Variants in AMPD2 observed in about 807,000 individuals in gnomAD.
AMPD2 encodes adenosine monophosphate deaminase 2.
Under a neutral mutation model 91.3 loss-of-function variants are expected in AMPD2, and 52 were observed. That is an observed-to-expected ratio of 0.57 (90% CI 0.46 to 0.72). The LOEUF is 0.72. Ranked by LOEUF, AMPD2 falls within the 30% of genes least tolerant of loss-of-function variation. The pLI, the probability that AMPD2 is intolerant of heterozygous loss-of-function variation, is 0.00. For synonymous variants in AMPD2, 455 were observed against 456.4 expected, an observed-to-expected ratio of 1.00 and a Z score of 0.04; for missense variants, 822 against 1,122.3, an observed-to-expected ratio of 0.73 and a Z score of 3.82.
intron 1 of AMPD2, chr1:109,620,571 C>G: frequency 8.0e-7 from 1 of 1,250,012 alleles, no homozygotes; most frequent in Non-Finnish European, 1.0e-6. Context: ...GCCCCTCCCT[C>G]CTGGGCTGGG....
rs55739424 is a variant in AMPD2, at chr1:109,628,018, G to T, written c.1081-65G>T. The T allele has an allele frequency of 0.027, 42,662 of 1,597,212 alleles. 696 individuals are homozygous for T. The highest frequency in any genetic ancestry group is 0.049 in the South Asian group (4,293 of 88,382). On this transcript the variant is annotated intron_variant, in intron 10 of 18. Coordinates refer to ENST00000528667, the MANE Select transcript of AMPD2 (RefSeq NM_001368809.2). This position sits in a 1 kb window ranked among gnomAD's most constrained non-coding sequence, Gnocchi z 7.1. ...CCAGTACAGAGGGTCCTTTCCCATT[G>T]CACTGCCCCAGGCCCCAGACCTTCC...
chr1:109,621,336 G>T, intron 2 of AMPD2, 70 bp downstream of exon 2: 2 of 1,553,824 alleles, frequency 1.3e-6, no homozygotes, highest in Non-Finnish European at 8.8e-7. Flanking sequence ...CCAAGGTGCT[G>T]GTCCCCTCAG....
intron 15 of AMPD2, 72 bp from the exon 16 acceptor site, chr1:109,629,724 T>TGG (rs5776989): frequency 3.9e-4 from 593 of 1,527,266 alleles, no homozygotes; most frequent in Non-Finnish European, 4.9e-4. Flanking sequence ...GCGTGCTGGG[T>TGG]GGGGGTCAGG....
At position 109,630,680 on chromosome 1, in the gene AMPD2, C is replaced by A. The variant is rs1025276683; in HGVS notation, c.2158-3C>A. The stretch of plus-strand genomic sequence containing the variant: ...CTCGTCTGAGGGAACCTGGCCCGTG[C>A]AGGAGCCGCTGATGGAGGAGTACAG... On this transcript the variant is annotated splice_polypyrimidine_tract_variant and splice_region_variant and intron_variant, in intron 17 of 18. Coordinates refer to ENST00000528667, the MANE Select transcript of AMPD2 (RefSeq NM_001368809.2). The A allele has an allele frequency of 1.9e-6, 3 of 1,608,590 alleles. No individual in the cohort carries two copies. The highest frequency in any genetic ancestry group is 2.5e-6 in the Non-Finnish European group (3 of 1,178,208).
At chr1:109,630,427 C>T (rs1306079625) in intron 17 of AMPD2, 21 bp downstream of exon 17, 12 of 1,312,966 alleles carry the variant, frequency 9.1e-6, no homozygotes, top group Non-Finnish European at 1.2e-5. Context: ...AGCAGGCAGC[C>T]AGGCGGGCGG....
Position 109,630,593 on chromosome 1 carries a change from G to A in AMPD2, c.2158-90G>A. On this transcript the variant is annotated intron_variant, in intron 17 of 18. Coordinates refer to ENST00000528667, the MANE Select transcript of AMPD2 (RefSeq NM_001368809.2). ...GGGGGGTTGGGGGGATGGGGGGGCGGGGGTGGGGAGAGTGAGTGAGGAGGC... is the reference window on the plus strand; with the variant it reads ...GGGGGGTTGGGGGGATGGGGGGGCGAGGGTGGGGAGAGTGAGTGAGGAGGC... The A allele has an allele frequency of 3.7e-6, 4 of 1,073,012 alleles. No individual in the cohort carries two copies. The South Asian group carries it at 4.5e-5, about 12-fold the overall frequency. The allele number at this position is 1,073,012 out of a possible 1,614,324, so 66.5% of individuals were successfully genotyped here.
At chr1:109,622,798 G>T (rs955936831) in intron 2 of AMPD2, among the ~76,000 whole-genome samples, 1 of 152,092 alleles carries the variant, frequency 6.6e-6, no homozygotes, top group African/African-American at 2.4e-5. Flanking sequence ...CTCAACTCCT[G>T]CTGACCCAAT....
chr1:109,631,027 C>T lies in AMPD2; in HGVS notation c.2353C>T (p.Arg785Cys), dbSNP rs1456066824. The T allele has an allele frequency of 3.1e-6, 5 of 1,614,050 alleles. No homozygotes were observed. In the Admixed American group the frequency reaches 5.0e-5, roughly 16 times the overall value. Residue 785 changes from arginine to cysteine, a missense_variant, in exon 19 of 19, where the codon CGC (arginine) becomes TGC (cysteine). Physicochemically the swap from Arg to Cys is radical, Grantham distance 180. Coordinates refer to ENST00000528667, the MANE Select transcript of AMPD2 (RefSeq NM_001368809.2). ...CCGCCGGACCAATGTGCCAGACATC[C>T]GCGTGGGCTACCGCTACGAGACCCT... ...DIRRTNVPDIRVGYRYETLCQ... is the reference protein window; with the variant it reads ...DIRRTNVPDICVGYRYETLCQ...
At chr1:109,627,613 C>T in intron 9 of AMPD2, 95 bp downstream of exon 9, 1 of 1,540,762 alleles carries the variant, frequency 6.5e-7, no homozygotes, top group Non-Finnish European at 9.0e-7. Flanking sequence ...TGGTGTCTTG[C>T]CCTTCCTAGT....
In AMPD2 at chr1:109,620,282, AGT is replaced by A; in HGVS notation, c.-263+11_-263+12del. The A allele has an allele frequency of 6.2e-7, 1 of 1,613,642 alleles. No homozygotes were observed. The highest frequency in any genetic ancestry group is 8.5e-7 in the Non-Finnish European group (1 of 1,179,800). On this transcript the variant is annotated splice_donor_5th_base_variant and intron_variant, in intron 1 of 18. Coordinates refer to ENST00000528667, the MANE Select transcript of AMPD2 (RefSeq NM_001368809.2). The stretch of plus-strand genomic sequence containing the variant: ...AACTCGGGCATCATGGCCTCAGGTG[AGT>A]GTGTGTACGTGTGTTGGAGGGAGGG...
At position 109,621,044 on chromosome 1, in the gene AMPD2, C is replaced by T. The variant is rs761327090; in HGVS notation, c.-132C>T. 8.1e-6 allele frequency: 13 copies of T among 1,603,640 alleles called. No homozygotes were observed. The South Asian group carries it at 1.4e-4, about 18-fold the overall frequency. On this transcript the variant is annotated 5_prime_UTR_variant, in exon 2 of 19. Coordinates refer to ENST00000528667, the MANE Select transcript of AMPD2 (RefSeq NM_001368809.2). Reference sequence around the variant, plus strand: ...AAATCGTGGCCAGGGCCTCTTCCGCCTGCGGAGCCGCTGCTTCCTGCATCA... The same window carrying T: ...AAATCGTGGCCAGGGCCTCTTCCGCTTGCGGAGCCGCTGCTTCCTGCATCA...
At chr1:109,621,696 A>T (rs1215704953) in intron 2 of AMPD2, among the ~76,000 whole-genome samples, 1 of 152,154 alleles carries the variant, frequency 6.6e-6, no homozygotes, top group Admixed American at 6.5e-5. Context: ...TCCACTTTTT[A>T]GGACCCCACA....
At position 109,631,793 on chromosome 1, in the gene AMPD2, T is replaced by A. The variant is rs1314055455; in HGVS notation, c.*641T>A. The A allele has an allele frequency of 6.5e-6, 1 of 154,974 alleles. No homozygotes were observed. The highest frequency in any genetic ancestry group is 1.4e-5 in the Non-Finnish European group (1 of 69,790). 9.6% of individuals were successfully genotyped at this position (154,974 alleles called of 1,614,324 possible). A position where few individuals can be genotyped will look rare whatever the true frequency, so the allele number is the denominator to read the frequency against. On this transcript the variant is annotated 3_prime_UTR_variant, in exon 19 of 19. Coordinates refer to ENST00000528667, the MANE Select transcript of AMPD2 (RefSeq NM_001368809.2). ...GTCCTGTCCCCAGCCCACGTGCTCC[T>A]TGGGTGTCAGCTTCCTGTGCCTCTG...
At position 109,620,220 on chromosome 1, in the gene AMPD2, C is replaced by A. The variant is rs770670679; in HGVS notation, c.-321C>A. 2 of 1,614,010 alleles carry A rather than the reference C, an allele frequency of 1.2e-6. No homozygotes were observed. The highest frequency in any genetic ancestry group is 2.2e-5 in the South Asian group (2 of 91,088). ...TGCCGTCCCTCAGGACCCGGGCTTTCTGCTGTACAGACTTCTCGTGGGCAG... is the reference window on the plus strand; with the variant it reads ...TGCCGTCCCTCAGGACCCGGGCTTTATGCTGTACAGACTTCTCGTGGGCAG... On this transcript the variant is annotated 5_prime_UTR_variant, in exon 1 of 19. The change creates a new upstream start codon in the 5' untranslated region. Coordinates refer to ENST00000528667, the MANE Select transcript of AMPD2 (RefSeq NM_001368809.2).
chr1:109,625,498 C>T lies in AMPD2; in HGVS notation c.222+65C>T. 1 of 1,608,330 alleles carries T rather than the reference C, an allele frequency of 6.2e-7. No homozygotes were observed. Among genetic ancestry groups the T allele is most frequent in the Non-Finnish European group, 8.5e-7 (1 of 1,176,312 alleles). On this transcript the variant is annotated intron_variant, in intron 3 of 18. Transcript: ENST00000528667. This position sits in a 1 kb window ranked among gnomAD's most constrained non-coding sequence, Gnocchi z 4.0. ...CATGCCCTGCCTCTGCTCCCCACAC[C>T]CCTCACCTCAAGCTGTCCCCTCACC...
rs1010263262 is a variant in AMPD2, at chr1:109,626,309, C to T, written c.423-10C>T. ...GCTCTAAACCCCTCCCTTGAATGCA[C>T]CCCCTGCAGGCTCTACAAGGAACAG... On this transcript the variant is annotated splice_polypyrimidine_tract_variant and intron_variant, in intron 5 of 18. Coordinates refer to ENST00000528667, the MANE Select transcript of AMPD2 (RefSeq NM_001368809.2). 12 of 1,613,648 alleles carry T rather than the reference C, an allele frequency of 7.4e-6. No individual in the cohort carries two copies. Among genetic ancestry groups the T allele is most frequent in the African/African-American group, 4.0e-5 (3 of 75,012 alleles).
rs776269086 is a variant in AMPD2 at position 109,625,638 on chromosome 1, C to G, written c.223-24C>G. ...GCCCGAGGGCGGAGGGCCAGCCATG[C>G]TGACCTTCCTTCCCTCCCCCCAGGA... On this transcript the variant is annotated intron_variant, in intron 3 of 18. Coordinates refer to ENST00000528667, the MANE Select transcript of AMPD2 (RefSeq NM_001368809.2). The surrounding 1 kb of genome is among the most constrained non-coding windows in gnomAD (Gnocchi z 4.0). 2 of 1,611,506 alleles carry G rather than the reference C, an allele frequency of 1.2e-6. No homozygotes were observed. Among genetic ancestry groups the G allele is most frequent in the Admixed American group, 3.3e-5 (2 of 59,910 alleles).
Position 109,626,870 on chromosome 1 carries a change from A to T in AMPD2, c.676A>T (p.Thr226Ser). 6.2e-7 allele frequency: 1 copy of T among 1,613,770 alleles called. No homozygotes were observed. The highest frequency in any genetic ancestry group is 1.7e-5 in the Admixed American group (1 of 59,992). The change falls in exon 7 of 19, where the codon ACC becomes TCC. Residue 226 changes from threonine (T) to serine (S), a missense_variant. By Grantham distance (58) the Thr-to-Ser change is moderately conservative. Transcript: ENST00000528667. ...LQQLAEKPLE[T>S]RTYEQGPDTP... ...GCAGCTGGCTGAAAAGCCTCTGGAGACCCGGACCTATGAACAGGGCCCCGA... is the reference window on the plus strand; with the variant it reads ...GCAGCTGGCTGAAAAGCCTCTGGAGTCCCGGACCTATGAACAGGGCCCCGA...
chr1:109,630,285 C>G lies in AMPD2; in HGVS notation c.2036C>G (p.Ser679Cys). The G allele has an allele frequency of 1.2e-6, 2 of 1,613,900 alleles. No individual in the cohort carries two copies. Among genetic ancestry groups the G allele is most frequent in the Non-Finnish European group, 1.7e-6 (2 of 1,180,000 alleles). ...CTGGCCCAGATCGGCATCGCCATGT[C>G]TCCGCTCAGCAACAACAGCCTCTTC... is the stretch of plus-strand genomic sequence containing the variant. ...YYLAQIGIAMSPLSNNSLFLS... is the reference protein window; with the variant it reads ...YYLAQIGIAMCPLSNNSLFLS... Residue 679 changes from serine (S) to cysteine (C), a missense_variant, in exon 17 of 19, where the codon TCT becomes TGT. Around this residue, in one of 5 missense-constraint regions of AMPD2, gnomAD observed 430 missense variants for 606.0 expected, o/e 0.71. Coordinates refer to ENST00000528667, the MANE Select transcript of AMPD2 (RefSeq NM_001368809.2).
Sources: allele counts gnomAD v4.1 joint callset (sites outside exome capture counted in the v4.1 genomes callset), GRCh38; gene constraint gnomAD v4.1.1; regional missense constraint gnomAD v4.1.1; non-coding constraint Gnocchi (gnomAD v3.1); transcripts MANE v1.5; gene names NCBI Gene and HGNC (gene_info 2026-07-23, HGNC 2026-07-21).